Variants in PRELID2 observed in about 807,000 individuals in gnomAD.
The protein encoded by PRELID2 is PRELI domain-containing protein 2.
In PRELID2, 25 loss-of-function variants were observed where a neutral mutation model predicts 28.4. That is an observed-to-expected ratio of 0.88 (90% CI 0.64 to 1.23). PRELID2 has a LOEUF of 1.23. Ranked by LOEUF, PRELID2 falls within the 50% of genes most tolerant of loss-of-function variation. PRELID2 has a pLI of 0.00. For missense variants in PRELID2, 201 were observed against 214.4 expected (o/e 0.94, Z 0.39); for synonymous variants, 76 against 71.6 (o/e 1.06, Z -0.31).
At chr5:145,443,459 A>C in the PRELID2 span, among the ~76,000 whole-genome samples, 1 of 152,080 alleles carries the variant, frequency 6.6e-6, no homozygotes, top group African/African-American at 2.4e-5. Context: ...AGAACGCTCA[A>C]TTGGCCAAGC....
intron 4 of PRELID2, among the ~76,000 whole-genome samples, chr5:145,800,984 TGGAC>T (rs1486547678): frequency 1.3e-5 from 2 of 152,126 alleles, no homozygotes; most frequent in African/African-American, 4.8e-5. Flanking sequence ...GATGGATGGA[TGGAC>T]AGACGGACGG....
the PRELID2 span, among the ~76,000 whole-genome samples, chr5:145,421,723 T>G: frequency 8.9e-5 from 13 of 145,266 alleles, no homozygotes; most frequent in East Asian, 2.0e-4. Context: ...TTTTTTTGTC[T>G]CTATTTCCTT....
At chr5:145,595,912 T>C (rs1383741403) in intron 1 of PRELID2, among the ~76,000 whole-genome samples, 1 of 151,978 alleles carries the variant, frequency 6.6e-6, no homozygotes, top group East Asian at 1.9e-4. Context: ...CCTTTCCAAA[T>C]ATTTCTTCAC....
At chr5:145,818,685 G>A (rs1754547175) in intron 3 of PRELID2, among the ~76,000 whole-genome samples, 1 of 152,122 alleles carries the variant, frequency 6.6e-6, no homozygotes, top group South Asian at 2.1e-4. Flanking sequence ...TTACCATCTG[G>A]AAAATAAAAG....
chr5:145,583,700 A>G (rs781035822), intron 1 of PRELID2, among the ~76,000 whole-genome samples: 17 of 152,126 alleles, frequency 1.1e-4, no homozygotes, highest in Non-Finnish European at 2.2e-4. Context: ...ATTGCTACAA[A>G]AAGAGTAAGA....
At chr5:145,544,976 T>C (rs1752773626) in intron 1 of PRELID2, among the ~76,000 whole-genome samples, 1 of 152,114 alleles carries the variant, frequency 6.6e-6, no homozygotes, top group Non-Finnish European at 1.5e-5. Context: ...TCGAATTTTT[T>C]TCTTCAAACC....
Position 145,529,794 on chromosome 5 carries a change from C to T in PRELID2, n.71-56479G>A, listed in dbSNP as rs184054301. Among the ~76,000 whole-genome samples the T allele has an allele frequency of 3.2e-3, 485 of 152,224 alleles. 1 individual carries two copies. The highest frequency in any genetic ancestry group is 0.01 in the Middle Eastern group (3 of 294). ...GGGTGTTCACTAAACGACTCTCTGA[C>T]GAGATATTTGAGCATAAGCCCTGAA... is the stretch of plus-strand genomic sequence containing the variant. On this transcript the variant is annotated intron_variant and non_coding_transcript_variant, in intron 1 of 2. Coordinates refer to the PRELID2 transcript ENST00000510259.
At chr5:145,391,410 G>C in the PRELID2 span, among the ~76,000 whole-genome samples, 1 of 152,210 alleles carries the variant, frequency 6.6e-6, no homozygotes, top group African/African-American at 2.4e-5. Context: ...CACTGCTAGA[G>C]ATGAAGCAGC....
At chr5:145,743,706 G>A (rs146572917) in intron 1 of PRELID2, among the ~76,000 whole-genome samples, 42 of 152,260 alleles carry the variant, frequency 2.8e-4, no homozygotes, top group African/African-American at 8.9e-4. Context: ...TCCCACTGGC[G>A]AAACCACGCT....
the PRELID2 span, among the ~76,000 whole-genome samples, chr5:145,261,599 C>T: frequency 1.3e-5 from 2 of 152,174 alleles, no homozygotes; most frequent in Admixed American, 1.3e-4. Flanking sequence ...ATAACAATCA[C>T]TGCAGTTCAG....
At chr5:145,413,033 T>C in the PRELID2 span, among the ~76,000 whole-genome samples, 18 of 152,246 alleles carry the variant, frequency 1.2e-4, no homozygotes, top group East Asian at 2.7e-3. Context: ...ATTGGGATTA[T>C]TACAATTCAA....
chr5:145,274,405 C>T, the PRELID2 span, among the ~76,000 whole-genome samples: 1 of 152,106 alleles, frequency 6.6e-6, no homozygotes, highest in Non-Finnish European at 1.5e-5. Context: ...CATTATGCAT[C>T]AGAAAAGAAA....
chr5:145,529,097 A>C (rs1752634497), intron 1 of PRELID2, among the ~76,000 whole-genome samples: 1 of 152,196 alleles, frequency 6.6e-6, no homozygotes, highest in African/African-American at 2.4e-5. Flanking sequence ...ACTTGAGTTT[A>C]ACAAATTAAT....
chr5:145,373,905 TATAATATATATGATATTATATATTATAAC>T, the PRELID2 span, among the ~76,000 whole-genome samples: 3 of 131,404 alleles, frequency 2.3e-5, no homozygotes, highest in Admixed American at 8.2e-5. Flanking sequence ...TTACAACATA[TATAATATATATGATATTATATATTATAAC>T]ATAATATATA....
In PRELID2 at chr5:145,817,481, G is replaced by GT. The variant is rs566859628; in HGVS notation, c.368+412dup. ...TTTAAGCTCAGAAACATTCCATTAAGTAAAAAAAAAAGAAGTGCACAATTT... is the reference window on the plus strand; with the variant it reads ...TTTAAGCTCAGAAACATTCCATTAAGTTAAAAAAAAAAGAAGTGCACAATTT... On this transcript the variant is annotated intron_variant, in intron 4 of 6. Transcript: ENST00000683046. Among the ~76,000 whole-genome samples, 284 of 124,998 alleles carry GT rather than the reference G, an allele frequency of 2.3e-3. 3 individuals carry two copies. Among genetic ancestry groups the GT allele is most frequent in the African/African-American group, 7.9e-3 (273 of 34,660 alleles). 82.0% of individuals were successfully genotyped at this position (124,998 alleles called of 152,430 possible). A position where few individuals can be genotyped will look rare whatever the true frequency, so the allele number is the denominator to read the frequency against.
intron 1 of PRELID2, among the ~76,000 whole-genome samples, chr5:145,576,002 TCTC>T (rs1753057467): frequency 6.6e-6 from 1 of 152,080 alleles, no homozygotes; most frequent in Non-Finnish European, 1.5e-5. Context: ...ATCTTGAAAA[TCTC>T]CTTCTAGACA....
At chr5:145,315,656 A>AT in the PRELID2 span, among the ~76,000 whole-genome samples, 1 of 151,052 alleles carries the variant, frequency 6.6e-6, no homozygotes, top group Non-Finnish European at 1.5e-5. Context: ...ACCAAGTGTC[A>AT]TTTTTTAATG....
chr5:145,553,671 A>T (rs1446941438), intron 1 of PRELID2, among the ~76,000 whole-genome samples: 1 of 152,244 alleles, frequency 6.6e-6, no homozygotes, highest in African/African-American at 2.4e-5. Flanking sequence ...TCTGCTAAAT[A>T]ATAGATTTTA....
chr5:145,385,743 A>G, the PRELID2 span, among the ~76,000 whole-genome samples: 1 of 152,150 alleles, frequency 6.6e-6, no homozygotes, highest in Non-Finnish European at 1.5e-5. Flanking sequence ...TGTTCTTTAG[A>G]AGTGGACTTA....
Sources: allele counts gnomAD v4.1 joint callset (sites outside exome capture counted in the v4.1 genomes callset), GRCh38; gene constraint gnomAD v4.1.1; transcripts MANE v1.5; gene names NCBI Gene and HGNC (gene_info 2026-07-23, HGNC 2026-07-21).